Variants in CIMAP1D observed in about 807,000 individuals in gnomAD.
CIMAP1D encodes CIMAP1 family member D, also known as protein CIMAP1D.
the CIMAP1D span, among the ~76,000 whole-genome samples, chr19:470,819 T>C: frequency 6.6e-6 from 1 of 152,232 alleles, no homozygotes; most frequent in Non-Finnish European, 1.5e-5. Context: ...GCAGCGCCAC[T>C]GATGAACACC....
the CIMAP1D span, chr19:472,301 G>T: frequency 6.2e-6 from 4 of 641,668 alleles, no homozygotes; most frequent in South Asian, 2.8e-5. Flanking sequence ...CTAACTGGGG[G>T]CCTGGATCTA....
the CIMAP1D span, among the ~76,000 whole-genome samples, chr19:478,656 C>T: frequency 6.6e-6 from 1 of 152,262 alleles, no homozygotes; most frequent in Non-Finnish European, 1.5e-5. Context: ...CAGATGAGCC[C>T]TGATTTTAAT....
the CIMAP1D span, among the ~76,000 whole-genome samples, chr19:465,107 G>GTGGA: frequency 0.81 from 82,313 of 101,694 alleles, 33,603 homozygotes; most frequent in East Asian, 0.94. Context: ...GGGTGAGTGG[G>GTGGA]TGGATGGATG....
chr19:488,578 G>A, the CIMAP1D span, among the ~76,000 whole-genome samples: 1 of 152,256 alleles, frequency 6.6e-6, no homozygotes, highest in Non-Finnish European at 1.5e-5. Flanking sequence ...CCCTCGCGCT[G>A]CTGGGACTGA....
chr19:488,341 T>C, the CIMAP1D span, among the ~76,000 whole-genome samples: 1 of 151,522 alleles, frequency 6.6e-6, no homozygotes, highest in African/African-American at 2.4e-5. Flanking sequence ...GCTAACACGG[T>C]GAAACCCCGT....
the CIMAP1D span, among the ~76,000 whole-genome samples, chr19:487,232 G>A: frequency 6.6e-6 from 1 of 152,004 alleles, no homozygotes; most frequent in Non-Finnish European, 1.5e-5. Flanking sequence ...GAGCTGGTTG[G>A]CTCATGTTGG....
chr19:470,579 C>A, the CIMAP1D span, among the ~76,000 whole-genome samples: 22 of 152,120 alleles, frequency 1.4e-4, 1 homozygote, highest in Non-Finnish European at 3.2e-4. Context: ...ATTCTGGGAC[C>A]CCTTGCAGCT....
the CIMAP1D span, among the ~76,000 whole-genome samples, chr19:483,699 G>A: frequency 0.15 from 23,108 of 152,128 alleles, 3,807 homozygotes; most frequent in African/African-American, 0.4. Context: ...CAGGGCCTGC[G>A]GAAGACCCTG....
At chr19:487,107 C>G in the CIMAP1D span, among the ~76,000 whole-genome samples, 1 of 152,122 alleles carries the variant, frequency 6.6e-6, no homozygotes, top group African/African-American at 2.4e-5. Context: ...TGCCTGCCCC[C>G]TTCCCTGCCT....
the CIMAP1D span, among the ~76,000 whole-genome samples, chr19:470,358 C>T: frequency 1.4e-5 from 2 of 144,588 alleles, no homozygotes; most frequent in Non-Finnish European, 3.0e-5. Context: ...AGGCGCCCGC[C>T]ACCACGCCCG....
chr19:484,519 C>T, the CIMAP1D span, among the ~76,000 whole-genome samples: 1 of 152,206 alleles, frequency 6.6e-6, no homozygotes, highest in Non-Finnish European at 1.5e-5. Context: ...GAAAGGAAAC[C>T]TCAGAGCAGA....
the CIMAP1D span, among the ~76,000 whole-genome samples, chr19:464,614 C>G: frequency 0.037 from 5,678 of 152,242 alleles, 259 homozygotes; most frequent in East Asian, 0.17. Context: ...TTCCCCAGCC[C>G]ATCCAGGGTA....
At chr19:469,372 T>C in the CIMAP1D span, among the ~76,000 whole-genome samples, 1 of 151,796 alleles carries the variant, frequency 6.6e-6, no homozygotes, top group Middle Eastern at 3.2e-3. Context: ...TGCACCACCA[T>C]GCCCTGCTAA....
At chr19:486,438 T>G in the CIMAP1D span, among the ~76,000 whole-genome samples, 3 of 139,346 alleles carry the variant, frequency 2.2e-5, no homozygotes, top group Non-Finnish European at 3.0e-5. Flanking sequence ...TTGATTGATT[T>G]TTTGTTTCTG....
chr19:479,099 C>T, the CIMAP1D span, among the ~76,000 whole-genome samples: 2 of 152,160 alleles, frequency 1.3e-5, no homozygotes, highest in African/African-American at 4.8e-5. Flanking sequence ...CACTGGGGGG[C>T]TATATGAGTA....
the CIMAP1D span, among the ~76,000 whole-genome samples, chr19:471,740 CT>C: frequency 0.81 from 114,026 of 140,506 alleles, 45,987 homozygotes; most frequent in African/African-American, 0.89. Flanking sequence ...CTATTGTTAA[CT>C]TTTTTTTTTT....
chr19:483,157 C>T, the CIMAP1D span, among the ~76,000 whole-genome samples: 2 of 152,242 alleles, frequency 1.3e-5, no homozygotes, highest in African/African-American at 4.8e-5. Context: ...TGACTTGGAT[C>T]CAAACCCCTG....
At chr19:464,184 TTGG>T in the CIMAP1D span, 232 of 1,509,678 alleles carry the variant, frequency 1.5e-4, 3 homozygotes, top group East Asian at 5.7e-3. Flanking sequence ...GCTGCTGGGC[TTGG>T]TGAAGATCTG....
At chr19:477,231 G>A in the CIMAP1D span, among the ~76,000 whole-genome samples, 1 of 152,086 alleles carries the variant, frequency 6.6e-6, no homozygotes, top group Non-Finnish European at 1.5e-5. Flanking sequence ...GTAAGTATAA[G>A]GAAGATTGTA....
Sources: allele counts gnomAD v4.1 joint callset (sites outside exome capture counted in the v4.1 genomes callset), GRCh38; gene constraint gnomAD v4.1.1; transcripts MANE v1.5; gene names NCBI Gene and HGNC (gene_info 2026-07-23, HGNC 2026-07-21).